The following TBC1D8 variants were observed in gnomAD, a reference collection of about 807,000 sequenced individuals.
TBC1D8 encodes the protein BUB2-like protein 1.
A neutral mutation model predicts 118.8 loss-of-function variants in TBC1D8; 65 were observed. The ratio of observed to expected loss-of-function variants is 0.55; its 90% CI spans 0.45 to 0.67. TBC1D8 has a LOEUF of 0.67. Ranked by LOEUF, TBC1D8 falls within the 30% of genes least tolerant of loss-of-function variation. TBC1D8 has a pLI of 0.00. For missense variants in TBC1D8, 1,376 were observed against 1,471.2 expected (o/e 0.94, Z 1.06); for synonymous variants, 566 against 595.8 (o/e 0.95, Z 0.73).
intron 2 of TBC1D8, among the ~76,000 whole-genome samples, chr2:101,081,504 T>C (rs1675264392): frequency 6.6e-6 from 1 of 152,166 alleles, no homozygotes; most frequent in South Asian, 2.1e-4. Flanking sequence ...CAGTGAGTGT[T>C]ATTAAAAAGA....
chr2:101,027,540 G>T, intron 14 of TBC1D8, 89 bp from the exon 15 acceptor site: 1 of 1,155,318 alleles, frequency 8.7e-7, no homozygotes, highest in Non-Finnish European at 1.3e-6. Flanking sequence ...TCCTGAAGGG[G>T]ACACAAGGAG....
At chr2:101,027,742 C>T (rs1030906650) in intron 14 of TBC1D8, among the ~76,000 whole-genome samples, 1 of 152,236 alleles carries the variant, frequency 6.6e-6, no homozygotes, top group Non-Finnish European at 1.5e-5. Flanking sequence ...GCCTTCTGAG[C>T]GCCAGCTAAT....
chr2:101,132,282 G>A (rs1057494252), intron 1 of TBC1D8, among the ~76,000 whole-genome samples: 3 of 151,958 alleles, frequency 2.0e-5, no homozygotes, highest in African/African-American at 7.3e-5. Context: ...TCATTTGAGG[G>A]GAAGCCTATT....
chr2:101,052,480 T>TTC (rs1682136671), intron 4 of TBC1D8, among the ~76,000 whole-genome samples: 1 of 3,408 alleles, frequency 2.9e-4, no homozygotes, highest in Admixed American at 3.7e-3. Context: ...TTCCTAAATC[T>TTC]TTTTTTTTTT....
chr2:101,090,386 A>T, intron 1 of TBC1D8, 22 bp from the exon 2 acceptor site: 1 of 1,613,198 alleles, frequency 6.2e-7, no homozygotes, highest in South Asian at 1.1e-5. Context: ...AAGAGAAGAA[A>T]GTGCACCTGT....
chr2:101,133,040 A>C (rs1678662718), intron 1 of TBC1D8, among the ~76,000 whole-genome samples: 1 of 151,212 alleles, frequency 6.6e-6, no homozygotes, highest in Non-Finnish European at 1.5e-5. Flanking sequence ...GGCGCCTGTA[A>C]TCCCAGCTAC....
At chr2:101,027,605 C>T (rs927249394) in intron 14 of TBC1D8, among the ~76,000 whole-genome samples, 154 bp from the exon 15 acceptor site, 1 of 152,204 alleles carries the variant, frequency 6.6e-6, no homozygotes, top group Admixed American at 6.5e-5. Flanking sequence ...AAGATCACTT[C>T]CAGGTATCTT....
intron 1 of TBC1D8, among the ~76,000 whole-genome samples, chr2:101,145,222 A>T (rs1338259118): frequency 1.3e-5 from 2 of 152,236 alleles, no homozygotes; most frequent in East Asian, 3.8e-4. Flanking sequence ...TGCCCTTATT[A>T]TGCTCTCACT....
At chr2:101,073,970 G>C (rs1224902407) in intron 2 of TBC1D8, among the ~76,000 whole-genome samples, 3 of 152,256 alleles carry the variant, frequency 2.0e-5, no homozygotes, top group African/African-American at 7.2e-5. Flanking sequence ...GTTCACTGGA[G>C]TAGCAATTTT....
chr2:101,068,133 C>T (rs918840226), intron 2 of TBC1D8, among the ~76,000 whole-genome samples: 6 of 152,204 alleles, frequency 3.9e-5, no homozygotes, highest in Non-Finnish European at 8.8e-5. Flanking sequence ...ACTCCCTCCA[C>T]TGAAGCCTTG....
chr2:101,022,150 A>T (rs370196399), intron 16 of TBC1D8, 131 bp downstream of exon 16: 9 of 1,449,008 alleles, frequency 6.2e-6, no homozygotes, highest in Non-Finnish European at 8.3e-6. Flanking sequence ...TTTCAAAATC[A>T]TAAGTTCATG....
At chr2:101,103,217 A>G (rs1676969904) in intron 1 of TBC1D8, among the ~76,000 whole-genome samples, 1 of 151,966 alleles carries the variant, frequency 6.6e-6, no homozygotes. Context: ...ATATCGATCA[A>G]TATAATACAT....
intron 1 of TBC1D8, among the ~76,000 whole-genome samples, chr2:101,141,219 A>G (rs1679086118): frequency 6.6e-6 from 1 of 152,206 alleles, no homozygotes; most frequent in African/African-American, 2.4e-5. Flanking sequence ...TATTATAACT[A>G]CAAAAACATT....
At chr2:101,043,905 A>C (rs1160195958) in intron 5 of TBC1D8, among the ~76,000 whole-genome samples, 1 of 151,980 alleles carries the variant, frequency 6.6e-6, no homozygotes, top group African/African-American at 2.4e-5. Flanking sequence ...GTGCCATTGC[A>C]CTCCAGCCTG....
At chr2:101,135,373 A>G (rs1472902679) in intron 1 of TBC1D8, among the ~76,000 whole-genome samples, 2 of 152,016 alleles carry the variant, frequency 1.3e-5, no homozygotes, top group East Asian at 1.9e-4. Flanking sequence ...CCTTTTTGTT[A>G]TAAGCCATCT....
intron 1 of TBC1D8, among the ~76,000 whole-genome samples, chr2:101,140,450 G>A (rs1377357415): frequency 6.6e-6 from 1 of 152,118 alleles, no homozygotes; most frequent in African/African-American, 2.4e-5. Context: ...GGCGTCCGGG[G>A]AAAATCACGG....
intron 17 of TBC1D8, among the ~76,000 whole-genome samples, chr2:101,012,279 T>C (rs966966395): frequency 2.0e-5 from 3 of 152,192 alleles, no homozygotes; most frequent in African/African-American, 7.2e-5. Flanking sequence ...GTATTGTTCA[T>C]AGTAGCCAAA....
intron 17 of TBC1D8, among the ~76,000 whole-genome samples, chr2:101,015,679 A>G (rs1679577138): frequency 1.3e-5 from 2 of 152,248 alleles, no homozygotes; most frequent in South Asian, 2.1e-4. Flanking sequence ...ACTATACTAC[A>G]AGGCTACAGT....
At chr2:101,115,633 T>A (rs1445698472) in intron 1 of TBC1D8, among the ~76,000 whole-genome samples, 1 of 151,784 alleles carries the variant, frequency 6.6e-6, no homozygotes, top group Non-Finnish European at 1.5e-5. Flanking sequence ...TGCCTATAAT[T>A]CCAGCTACTT....
Sources: allele counts gnomAD v4.1 joint callset (sites outside exome capture counted in the v4.1 genomes callset), GRCh38; gene constraint gnomAD v4.1.1; transcripts MANE v1.5; gene names NCBI Gene and HGNC (gene_info 2026-07-23, HGNC 2026-07-21).